RANBP2: variants seen among roughly 807,000 people sequenced by gnomAD.
RANBP2 encodes E3 SUMO-protein ligase RanBP2.
In RANBP2, 57 loss-of-function variants were observed where a neutral mutation model predicts 303.6. That is an observed-to-expected ratio of 0.19 (90% CI 0.15 to 0.23). RANBP2 has a LOEUF of 0.23. RANBP2 is among the 10% of genes least tolerant of loss of function. The pLI, the probability that RANBP2 is intolerant of heterozygous loss-of-function variation, is 1.00. For synonymous variants in RANBP2, 1,167 were observed against 1,301.5 expected, an observed-to-expected ratio of 0.90 and a Z score of 2.23; for missense variants, 3,138 against 3,780.8, an observed-to-expected ratio of 0.83 and a Z score of 4.46.
the RANBP2 span, among the ~76,000 whole-genome samples, chr2:109,532,432 T>A: frequency 6.6e-6 from 1 of 151,956 alleles, no homozygotes; most frequent in Non-Finnish European, 1.5e-5. Context: ...CAGATAAGAG[T>A]GGAGTTATTC....
the RANBP2 span, chr2:108,816,143 AT>A: frequency 6.7e-7 from 1 of 1,490,144 alleles, no homozygotes; most frequent in Non-Finnish European, 9.2e-7. Flanking sequence ...TTCAGAATAT[AT>A]GAAGATTAAA....
chr2:109,704,313 C>T, the RANBP2 span, among the ~76,000 whole-genome samples: 3 of 151,846 alleles, frequency 2.0e-5, no homozygotes, highest in African/African-American at 7.3e-5. Flanking sequence ...ACTGGGAGGC[C>T]GAGGTGGAAG....
the RANBP2 span, among the ~76,000 whole-genome samples, chr2:109,649,057 G>C: frequency 6.6e-6 from 1 of 152,116 alleles, no homozygotes; most frequent in Non-Finnish European, 1.5e-5. Context: ...TGACGGCCTG[G>C]TGCTCGGTAA....
chr2:109,129,245 C>A, the RANBP2 span: 4 of 573,708 alleles, frequency 7.0e-6, no homozygotes, highest in Non-Finnish European at 9.4e-6. Flanking sequence ...CACCCCCGGT[C>A]CCCCGCGCGG....
chr2:109,182,384 AT>A, the RANBP2 span, among the ~76,000 whole-genome samples: 4 of 152,220 alleles, frequency 2.6e-5, no homozygotes, highest in Non-Finnish European at 5.9e-5. Context: ...TGAAGCCCTC[AT>A]GACCTAATCA....
the RANBP2 span, among the ~76,000 whole-genome samples, chr2:109,484,490 C>T: frequency 6.6e-6 from 1 of 152,192 alleles, no homozygotes; most frequent in Non-Finnish European, 1.5e-5. Context: ...GGCCACATCA[C>T]TCACCAGCCC....
the RANBP2 span, among the ~76,000 whole-genome samples, chr2:109,265,612 G>A: frequency 7.2e-5 from 11 of 152,252 alleles, no homozygotes; most frequent in Non-Finnish European, 1.6e-4. Flanking sequence ...AGCCCCCCAG[G>A]GGCCTGCATG....
chr2:109,622,923 T>C, the RANBP2 span, among the ~76,000 whole-genome samples: 3 of 152,132 alleles, frequency 2.0e-5, no homozygotes, highest in Non-Finnish European at 4.4e-5. Flanking sequence ...AGGTCAGTAG[T>C]TCGAGACCAG....
At position 108,756,924 on chromosome 2, in the gene RANBP2, G is replaced by A. The variant is rs554866220; in HGVS notation, c.2467-1489G>A. 2.6e-5 allele frequency among the ~76,000 whole-genome samples: 4 copies of A among 152,310 alleles called. No homozygotes were observed. The East Asian group carries it at 7.7e-4, about 29-fold the overall frequency. On this transcript the variant is annotated intron_variant, in intron 17 of 28. Coordinates refer to ENST00000283195, the MANE Select transcript of RANBP2 (RefSeq NM_006267.5). ...TAGGTGATTCCACTAGTTTCTTATT[G>A]GATGTGTATGTGTAGCATCTGGACT...
At chr2:109,738,844 G>A in the RANBP2 span, among the ~76,000 whole-genome samples, 1 of 148,512 alleles carries the variant, frequency 6.7e-6, no homozygotes, top group Non-Finnish European at 1.5e-5. Flanking sequence ...CAATGCCCTG[G>A]AGAGTTTGCC....
the RANBP2 span, among the ~76,000 whole-genome samples, chr2:109,542,401 C>T: frequency 2.0e-5 from 3 of 152,210 alleles, no homozygotes; most frequent in African/African-American, 4.8e-5. Flanking sequence ...AGGTTTATTA[C>T]GTTCTTTTCA....
the RANBP2 span, among the ~76,000 whole-genome samples, chr2:109,373,544 C>A: frequency 6.6e-6 from 1 of 152,230 alleles, no homozygotes; most frequent in East Asian, 1.9e-4. Flanking sequence ...TTGAAAGAAG[C>A]CAGACATAAA....
the RANBP2 span, among the ~76,000 whole-genome samples, chr2:109,110,369 A>C: frequency 2.0e-5 from 3 of 152,208 alleles, no homozygotes; most frequent in African/African-American, 7.2e-5. Flanking sequence ...GGCAGATGGC[A>C]TCTACCATCA....
chr2:109,515,222 C>T, the RANBP2 span, among the ~76,000 whole-genome samples: 2 of 152,192 alleles, frequency 1.3e-5, no homozygotes, highest in South Asian at 2.1e-4. Flanking sequence ...CGGCGGCACC[C>T]AGCACCCCAT....
At chr2:109,455,602 T>C in the RANBP2 span, among the ~76,000 whole-genome samples, 1 of 152,218 alleles carries the variant, frequency 6.6e-6, no homozygotes, top group Non-Finnish European at 1.5e-5. Context: ...ACATCCAATC[T>C]GAAGAAATCT....
the RANBP2 span, among the ~76,000 whole-genome samples, chr2:109,206,082 G>A: frequency 9.2e-5 from 14 of 152,134 alleles, no homozygotes; most frequent in Non-Finnish European, 2.9e-5. Flanking sequence ...GGCATTGTAT[G>A]ACCTGCACGT....
At position 108,765,299 on chromosome 2, in the gene RANBP2, G is replaced by T. The variant is rs148677577; in HGVS notation, c.4760G>T (p.Gly1587Val). 1.5e-3 allele frequency: 2,415 copies of T among 1,614,060 alleles called. 7 individuals carry two copies. Among genetic ancestry groups the T allele is most frequent in the Admixed American group, 1.4e-3 (85 of 59,994 alleles). The change falls in exon 20 of 29, where the codon GGT (glycine) becomes GTT (valine). Residue 1587 changes from glycine to valine, a missense_variant. Physicochemically the swap from Gly to Val is moderately radical, Grantham distance 109 (BLOSUM62 -3). This residue lies in a region of RANBP2 where 28 missense variants were observed against 43.2 expected (regional missense o/e 0.65). Coordinates refer to ENST00000283195, the MANE Select transcript of RANBP2 (RefSeq NM_006267.5). Reference protein sequence around the residue: ...SVPAPASFKFGTSETSKAPKS... With the variant: ...SVPAPASFKFVTSETSKAPKS... ...CCAGCTCCTGCCTCTTTTAAGTTTG[G>T]TACTTCAGAGACAAGCAAGGCTCCA...
At chr2:109,761,426 C>T in the RANBP2 span, among the ~76,000 whole-genome samples, 29 of 150,296 alleles carry the variant, frequency 1.9e-4, 1 homozygote, top group African/African-American at 6.6e-4. Flanking sequence ...CACAGTTGCA[C>T]TCCTCCTCCC....
chr2:109,713,650 T>G, the RANBP2 span, among the ~76,000 whole-genome samples: 1 of 152,222 alleles, frequency 6.6e-6, no homozygotes, highest in African/African-American at 2.4e-5. Flanking sequence ...GTTCTTGGCC[T>G]GCTGGGGTCC....
Sources: gnomAD v4.1 joint callset for allele counts (sites outside exome capture counted in the v4.1 genomes callset) on GRCh38, gnomAD v4.1.1 for gene constraint, gnomAD v4.1.1 regional missense constraint, MANE v1.5 for transcripts, NCBI Gene and HGNC (gene_info 2026-07-23, HGNC 2026-07-21) for gene names.